Variants in PDE1A observed in about 807,000 individuals in gnomAD.
PDE1A encodes the protein phosphodiesterase 1A, also known as dual specificity calcium/calmodulin-dependent 3',5'-cyclic nucleotide phosphodiesterase 1A.
PDE1A carries 35 observed loss-of-function variants against 61.7 expected under a neutral mutation model. The ratio of observed to expected loss-of-function variants is 0.57; its 90% confidence interval spans 0.43 to 0.75. The LOEUF (loss-of-function observed/expected upper bound fraction) is 0.75, where lower values mean the gene tolerates loss of function less well. Among genes scored for constraint, PDE1A ranks in the 30% least tolerant of loss-of-function variants. The pLI, the probability that PDE1A is intolerant of heterozygous loss-of-function variation, is 0.00. For synonymous variants in PDE1A, 232 were observed against 213.2 expected (o/e 1.09, Z -0.77); for missense variants, 597 against 630.6 (o/e 0.95, Z 0.57).
the PDE1A span, among the ~76,000 whole-genome samples, chr2:182,693,493 A>G: frequency 6.6e-6 from 1 of 152,238 alleles, no homozygotes; most frequent in South Asian, 2.1e-4. Flanking sequence ...GTCTTTGGCC[A>G]TTTTTAACAA....
rs1486675200 is a variant in PDE1A at position 182,241,817 on chromosome 2, ACTTT to A, written c.168-1529_168-1526del. On this transcript the variant is annotated intron_variant, in intron 2 of 13. Transcript: ENST00000351439. ...TAATACTTACTCTATATGATTTTTAACTTTCTTTCTGATCTGACATTTGGATGGT... is the reference window on the plus strand; with the variant it reads ...TAATACTTACTCTATATGATTTTTAACTTTCTGATCTGACATTTGGATGGT... 7 of 1,528,558 alleles carry A rather than the reference ACTTT, an allele frequency of 4.6e-6. No individual in the cohort carries two copies. In the Admixed American group the frequency reaches 5.9e-5, roughly 13 times the overall value. The allele number at this position is 1,528,558 out of a possible 1,614,324, so 94.7% of individuals were successfully genotyped here. A position where few individuals can be genotyped will look rare whatever the true frequency, so the allele number is the denominator to read the frequency against.
chr2:182,167,921 AC>A, exon 14 of PDE1A: 2 of 1,109,550 alleles, frequency 1.8e-6, no homozygotes, highest in Non-Finnish European at 2.2e-6. Flanking sequence ...TGTAGAAATG[AC>A]AAAATTAGCA....
the PDE1A span, among the ~76,000 whole-genome samples, chr2:182,669,817 A>G: frequency 0.71 from 107,523 of 152,144 alleles, 38,435 homozygotes; most frequent in Middle Eastern, 0.79. Flanking sequence ...AAATGCTCCC[A>G]TATGGCAGAC....
At chr2:182,366,961 C>T (rs906431235) in intron 1 of PDE1A, among the ~76,000 whole-genome samples, 19 of 151,940 alleles carry the variant, frequency 1.3e-4, no homozygotes, top group African/African-American at 4.3e-4. Context: ...ACAAGATAAT[C>T]GTAAATCTGA....
At chr2:182,423,812 TGTA>T (rs1274598835) in intron 1 of PDE1A, among the ~76,000 whole-genome samples, 1 of 151,952 alleles carries the variant, frequency 6.6e-6, no homozygotes, top group Non-Finnish European at 1.5e-5. Context: ...AGTGGACACT[TGTA>T]GTCAATCAGT....
intron 7 of PDE1A, among the ~76,000 whole-genome samples, chr2:182,210,723 A>C (rs943474472): frequency 6.6e-6 from 1 of 152,108 alleles, no homozygotes; most frequent in African/African-American, 2.4e-5. Context: ...AAAAGTCATC[A>C]CCAAATCTAA....
chr2:182,322,045 G>A (rs1696729960), intron 1 of PDE1A, among the ~76,000 whole-genome samples: 1 of 152,104 alleles, frequency 6.6e-6, no homozygotes, highest in Non-Finnish European at 1.5e-5. Flanking sequence ...GGAAATAAGA[G>A]CTCCAAAGTC....
chr2:182,679,559 A>G, the PDE1A span, among the ~76,000 whole-genome samples: 2 of 152,034 alleles, frequency 1.3e-5, no homozygotes, highest in Non-Finnish European at 1.5e-5. Context: ...ATCACACTGT[A>G]CCCACAAATA....
At chr2:182,674,610 C>T in the PDE1A span, among the ~76,000 whole-genome samples, 706 of 151,836 alleles carry the variant, frequency 4.6e-3, 3 homozygotes, top group Non-Finnish European at 7.8e-3. Context: ...ACCCCACCCA[C>T]TCCTGTCCCA....
At chr2:182,694,408 A>G in the PDE1A span, among the ~76,000 whole-genome samples, 110 of 152,268 alleles carry the variant, frequency 7.2e-4, 1 homozygote, top group South Asian at 1.0e-3. Flanking sequence ...GCATGCAGTG[A>G]GTTTGCGCTG....
At chr2:182,426,856 A>G (rs1310717165) in exon 1 of PDE1A, 11 of 1,340,572 alleles carry the variant, frequency 8.2e-6, no homozygotes, top group Non-Finnish European at 1.1e-5. Flanking sequence ...TCCCCCACAG[A>G]GCAGGGTGTG....
In PDE1A at chr2:182,375,374, T is replaced by C. The variant is rs1407404437; in HGVS notation, c.53+51204A>G. The stretch of plus-strand genomic sequence containing the variant: ...AATGGGGGTACAGGTATTGGGTAAA[T>C]AGAGCTGTTCCAAATGGGAGAAATT... On this transcript the variant is annotated intron_variant, in intron 1 of 13. Coordinates refer to ENST00000351439, the Ensembl canonical transcript of PDE1A. 2.0e-5 allele frequency among the ~76,000 whole-genome samples: 3 copies of C among 152,170 alleles called. No individual in the cohort carries two copies. The East Asian group carries it at 5.8e-4, about 29-fold the overall frequency.
At chr2:182,314,968 A>G (rs1279620482) in intron 1 of PDE1A, among the ~76,000 whole-genome samples, 1 of 152,180 alleles carries the variant, frequency 6.6e-6, no homozygotes, top group African/African-American at 2.4e-5. Context: ...ATATCAAAAC[A>G]AAACTGTGTG....
chr2:182,665,840 G>C, the PDE1A span, among the ~76,000 whole-genome samples: 1 of 152,110 alleles, frequency 6.6e-6, no homozygotes, highest in Non-Finnish European at 1.5e-5. Context: ...TGATAGACTG[G>C]ATAAAGAAAG....
At chr2:182,428,639 C>T (rs1456108738), upstream of PDE1A, among the ~76,000 whole-genome samples, 1 of 152,046 alleles carries the variant, frequency 6.6e-6, no homozygotes, top group Non-Finnish European at 1.5e-5. Context: ...TTACCATATG[C>T]TTTGGCTTTC....
the PDE1A span, among the ~76,000 whole-genome samples, chr2:182,530,724 G>T: frequency 6.6e-6 from 1 of 151,900 alleles, no homozygotes; most frequent in African/African-American, 2.4e-5. Context: ...AACAGATAAA[G>T]AAAAACTAAA....
At chr2:182,277,215 A>C (rs1323768167) in intron 1 of PDE1A, among the ~76,000 whole-genome samples, 2 of 152,030 alleles carry the variant, frequency 1.3e-5, no homozygotes, top group Non-Finnish European at 2.9e-5. Context: ...AATCCTTAAT[A>C]AAACTTGCTG....
the PDE1A span, among the ~76,000 whole-genome samples, chr2:182,681,601 A>C: frequency 6.6e-6 from 1 of 150,408 alleles, no homozygotes; most frequent in Non-Finnish European, 1.5e-5. Context: ...ACAGTTATTC[A>C]GGATTTGTCA....
chr2:182,361,231 G>A (rs1465262959), intron 1 of PDE1A, among the ~76,000 whole-genome samples: 2 of 152,042 alleles, frequency 1.3e-5, no homozygotes, highest in African/African-American at 4.8e-5. Context: ...ATTTTTACAT[G>A]TGTACATAGT....
Sources: allele counts gnomAD v4.1 joint callset (sites outside exome capture counted in the v4.1 genomes callset), GRCh38; gene constraint gnomAD v4.1.1; transcripts MANE v1.5; gene names NCBI Gene and HGNC (gene_info 2026-07-23, HGNC 2026-07-21).